Variants in GPC6 observed in about 807,000 individuals in gnomAD.
The protein encoded by GPC6 is glypican 6, also known as glypican-6.
Under a neutral mutation model 55.2 loss-of-function variants are expected in GPC6, and 14 were observed. That is an observed-to-expected ratio of 0.25 (90% CI 0.17 to 0.40). The LOEUF is 0.40. Among genes scored for constraint, GPC6 ranks in the 10% least tolerant of loss-of-function variants. The probability of loss-of-function intolerance (pLI) is 1.00; values close to 1 mark genes in which losing one functional copy is unlikely to be tolerated. For synonymous variants in GPC6, 278 were observed against 259.6 expected, an observed-to-expected ratio of 1.07 and a Z score of -0.68; for missense variants, 641 against 708.5, an observed-to-expected ratio of 0.90 and a Z score of 1.08.
intron 3 of GPC6, among the ~76,000 whole-genome samples, chr13:93,874,484 A>G (rs1489340370): frequency 6.6e-6 from 1 of 151,224 alleles, no homozygotes; most frequent in Non-Finnish European, 1.5e-5. Context: ...TGTCTTTGCT[A>G]CTGTGAATAG....
At chr13:93,917,101 A>G (rs1312942328) in intron 3 of GPC6, among the ~76,000 whole-genome samples, 1 of 152,134 alleles carries the variant, frequency 6.6e-6, no homozygotes, top group Non-Finnish European at 1.5e-5. Context: ...GAAATGCTTT[A>G]TTTCCAGCTC....
intron 1 of GPC6, among the ~76,000 whole-genome samples, chr13:93,541,001 G>T (rs912409839): frequency 6.6e-6 from 1 of 151,832 alleles, no homozygotes; most frequent in African/African-American, 2.4e-5. Flanking sequence ...CATCCATGTT[G>T]CAGTGAATGA....
intron 2 of GPC6, among the ~76,000 whole-genome samples, chr13:93,692,082 C>T (rs1256981386): frequency 6.6e-6 from 1 of 151,988 alleles, no homozygotes; most frequent in Non-Finnish European, 1.5e-5. Context: ...TGTGTAAAGT[C>T]ATGCGGTTAG....
At chr13:93,477,672 C>A (rs1271121841) in intron 1 of GPC6, among the ~76,000 whole-genome samples, 1 of 152,136 alleles carries the variant, frequency 6.6e-6, no homozygotes, top group Non-Finnish European at 1.5e-5. Flanking sequence ...ATATAACTTA[C>A]AGAATTGAGA....
At chr13:93,434,595 C>T (rs1877495640) in intron 1 of GPC6, among the ~76,000 whole-genome samples, 2 of 152,168 alleles carry the variant, frequency 1.3e-5, no homozygotes, top group South Asian at 2.1e-4. Context: ...GCTTGATTCT[C>T]TTAATATCTG....
intron 6 of GPC6, among the ~76,000 whole-genome samples, chr13:94,356,119 A>T (rs930040846): frequency 6.6e-6 from 1 of 152,180 alleles, no homozygotes; most frequent in Non-Finnish European, 1.5e-5. Flanking sequence ...AAAGGACATG[A>T]TCTTGTTCCT....
At chr13:94,312,263 T>C (rs1048102231) in intron 6 of GPC6, among the ~76,000 whole-genome samples, 2 of 152,220 alleles carry the variant, frequency 1.3e-5, no homozygotes, top group African/African-American at 4.8e-5. Flanking sequence ...GTGACAAACA[T>C]GTTGTTAATA....
At chr13:93,885,836 A>G (rs1010454575) in intron 3 of GPC6, among the ~76,000 whole-genome samples, 8 of 152,150 alleles carry the variant, frequency 5.3e-5, no homozygotes, top group African/African-American at 1.9e-4. Flanking sequence ...AACAGTAAGT[A>G]AAATAGAGGA....
intron 2 of GPC6, among the ~76,000 whole-genome samples, chr13:93,805,518 A>G (rs1886517747): frequency 6.6e-6 from 1 of 152,138 alleles, no homozygotes; most frequent in Admixed American, 6.5e-5. Flanking sequence ...AGAATGTTTC[A>G]TTTTTAGACT....
At chr13:94,104,495 A>C (rs1885982057) in intron 4 of GPC6, among the ~76,000 whole-genome samples, 1 of 152,170 alleles carries the variant, frequency 6.6e-6, no homozygotes, top group African/African-American at 2.4e-5. Context: ...GAAAGAAATA[A>C]AGGGTATCAA....
intron 2 of GPC6, among the ~76,000 whole-genome samples, chr13:93,715,336 A>T (rs545598125): frequency 6.6e-6 from 1 of 151,838 alleles, no homozygotes; most frequent in South Asian, 2.1e-4. Context: ...GAAGGCCATT[A>T]TCCTAAGAAA....
rs565785415 is a variant in GPC6, at chr13:93,900,944, G to A, written c.711+70399G>A. Among the ~76,000 whole-genome samples the A allele has an allele frequency of 2.6e-5, 4 of 152,280 alleles. No individual in the cohort carries two copies. The East Asian group carries it at 7.7e-4, about 29-fold the overall frequency. On this transcript the variant is annotated intron_variant, in intron 3 of 8. Coordinates refer to ENST00000377047, the MANE Select transcript of GPC6 (RefSeq NM_005708.5). ...GACACAGTTGTTTTCTGTTAGATGA[G>A]GCCCAGCTGTTCTATCCAGTTCTTG...
chr13:94,132,446 C>G (rs1887034219), intron 4 of GPC6, among the ~76,000 whole-genome samples: 1 of 152,134 alleles, frequency 6.6e-6, no homozygotes, highest in South Asian at 2.1e-4. Flanking sequence ...CTGACCACAG[C>G]CTTGTGGTCT....
At chr13:93,623,917 C>T (rs893899517) in intron 2 of GPC6, among the ~76,000 whole-genome samples, 4 of 151,892 alleles carry the variant, frequency 2.6e-5, no homozygotes, top group African/African-American at 9.7e-5. Context: ...AGGTCTTTTG[C>T]CCGTTTTTTA....
chr13:93,349,422 C>T (rs12430568), intron 1 of GPC6, among the ~76,000 whole-genome samples: 11,183 of 152,082 alleles, frequency 0.074, 523 homozygotes, highest in East Asian at 0.12. Context: ...ATTAGTTCTT[C>T]CTCTGCAGGC....
intron 2 of GPC6, among the ~76,000 whole-genome samples, chr13:93,787,841 G>T (rs912130870): frequency 1.6e-4 from 25 of 152,096 alleles, no homozygotes; most frequent in African/African-American, 5.8e-4. Context: ...CTTTTAGCAT[G>T]TTGAATTATG....
At chr13:93,462,666 A>G (rs1878738594) in intron 1 of GPC6, among the ~76,000 whole-genome samples, 1 of 152,056 alleles carries the variant, frequency 6.6e-6, no homozygotes, top group South Asian at 2.1e-4. Context: ...GGAATAAAAA[A>G]GAAATGCCAA....
intron 3 of GPC6, among the ~76,000 whole-genome samples, chr13:93,936,709 A>G (rs984834145): frequency 3.9e-5 from 6 of 152,190 alleles, no homozygotes; most frequent in African/African-American, 1.4e-4. Context: ...TAAAGATGAA[A>G]CTCAGTAGGG....
intron 4 of GPC6, among the ~76,000 whole-genome samples, chr13:94,269,467 G>A (rs770183963): frequency 2.0e-5 from 3 of 152,078 alleles, no homozygotes; most frequent in Non-Finnish European, 2.9e-5. Flanking sequence ...GAGAGGAAAC[G>A]GTCTTAAGAA....
Sources: gnomAD v4.1 joint callset for allele counts (sites outside exome capture counted in the v4.1 genomes callset) on GRCh38, gnomAD v4.1.1 for gene constraint, MANE v1.5 for transcripts, NCBI Gene and HGNC (gene_info 2026-07-23, HGNC 2026-07-21) for gene names.